The following SERINC2 variants were observed in gnomAD, a reference collection of about 807,000 sequenced individuals.
The protein encoded by SERINC2 is tumor differentially expressed protein 2.
A neutral mutation model predicts 54.2 loss-of-function variants in SERINC2; 56 were observed. The observed-to-expected ratio is 1.03, with a 90% CI of 0.83 to 1.29. The LOEUF is 1.29. Among genes scored for constraint, SERINC2 ranks in the 50% most tolerant of loss-of-function variants. The probability of loss-of-function intolerance (pLI) is 0.00; values close to 1 mark genes in which losing one functional copy is unlikely to be tolerated. For synonymous variants in SERINC2, 272 were observed against 253.1 expected (o/e 1.07, Z -0.71); for missense variants, 614 against 607.4 (o/e 1.01, Z -0.12).
At position 31,413,870 on chromosome 1, in the gene SERINC2, C is replaced by A; in HGVS notation, c.39+566C>A. 1.4e-6 allele frequency: 2 copies of A among 1,438,940 alleles called. No individual in the cohort carries two copies. The highest frequency in any genetic ancestry group is 1.8e-6 in the Non-Finnish European group (2 of 1,102,758). The allele number at this position is 1,438,940 out of a possible 1,614,324, so 89.1% of individuals were successfully genotyped here. Reference sequence around the variant, plus strand: ...TCGTCCGACTGTCTTTGTCCGTCTGCTGTCTTCTGTCCGTCTGCCCGTCCG... The same window carrying A: ...TCGTCCGACTGTCTTTGTCCGTCTGATGTCTTCTGTCCGTCTGCCCGTCCG... On this transcript the variant is annotated intron_variant, in intron 1 of 9. Transcript: ENST00000373709. This position sits in a 1 kb window ranked among gnomAD's most constrained non-coding sequence, Gnocchi z 5.0.
chr1:31,413,212 C>G (rs1175922708), upstream of SERINC2: 16 of 1,086,434 alleles, frequency 1.5e-5, no homozygotes, highest in African/African-American at 8.7e-5. The surrounding 1 kb of genome is among the most constrained non-coding windows in gnomAD (Gnocchi z 5.0). Flanking sequence ...ACCCGGATCC[C>G]GAGGTCCGCG....
chr1:31,414,699 T>G, intron 1 of SERINC2: 1 of 985,442 alleles, frequency 1.0e-6, no homozygotes, highest in Non-Finnish European at 1.2e-6. Flanking sequence ...TTGGGCCAGG[T>G]CTCTGCCAAC....
At chr1:31,429,273 G>T in intron 7 of SERINC2, 124 bp from the exon 8 acceptor site, 1 of 1,261,234 alleles carries the variant, frequency 7.9e-7, no homozygotes, top group South Asian at 1.4e-5. Context: ...CTGTTGCTGG[G>T]ACTTGAGTGG....
At chr1:31,431,796 T>G (rs370106518) in intron 8 of SERINC2, among the ~76,000 whole-genome samples, 128 of 10,918 alleles carry the variant, frequency 0.012, 2 homozygotes, top group South Asian at 0.084. Context: ...ATAGGGTGGA[T>G]AGGGTGGACA....
intron 4 of SERINC2, 114 bp from the exon 5 acceptor site, chr1:31,425,662 C>T: frequency 7.5e-7 from 1 of 1,326,696 alleles, no homozygotes; most frequent in Non-Finnish European, 1.0e-6. Flanking sequence ...TCCCTGAGGG[C>T]AGGGACTCTG....
Position 31,413,237 on chromosome 1 carries a change from C to A in SERINC2, c.-29C>A. ...CGAGGTCCGCGCCCCGCGCCCGGCG[C>A]CGGGCGCCCGAAGCCGGGAGCCGCC... is the stretch of plus-strand genomic sequence containing the variant. On this transcript the variant is annotated 5_prime_UTR_variant, in exon 1 of 10. Transcript: ENST00000373709. This position sits in a 1 kb window ranked among gnomAD's most constrained non-coding sequence, Gnocchi z 5.0. 1 of 1,153,332 alleles carries A rather than the reference C, an allele frequency of 8.7e-7. No individual in the cohort carries two copies. Among genetic ancestry groups the A allele is most frequent in the South Asian group, 3.8e-5 (1 of 26,242 alleles). The allele number at this position is 1,153,332 out of a possible 1,614,324, so 71.4% of individuals were successfully genotyped here.
At chr1:31,415,312 C>A (rs769309873) in intron 1 of SERINC2, among the ~76,000 whole-genome samples, 64 of 152,320 alleles carry the variant, frequency 4.2e-4, no homozygotes, top group Non-Finnish European at 7.3e-4. Flanking sequence ...CCCGGCCCTC[C>A]CTTCAGTGCC....
intron 1 of SERINC2, among the ~76,000 whole-genome samples, chr1:31,421,986 T>C (rs1640911916): frequency 2.0e-5 from 3 of 152,182 alleles, no homozygotes; most frequent in Non-Finnish European, 4.4e-5. Flanking sequence ...TCTCAGCTTA[T>C]TATTTTATTT....
chr1:31,432,773 G>T (rs1447860137), intron 8 of SERINC2, among the ~76,000 whole-genome samples, 194 bp from the exon 9 acceptor site: 1 of 152,148 alleles, frequency 6.6e-6, no homozygotes, highest in Non-Finnish European at 1.5e-5. Flanking sequence ...GGCTCAGAGA[G>T]GTTAAGTGTT....
At chr1:31,432,050 GGGTGGAC>G (rs1641269478) in intron 8 of SERINC2, among the ~76,000 whole-genome samples, 1 of 133,288 alleles carries the variant, frequency 7.5e-6, no homozygotes, top group Non-Finnish European at 1.6e-5. Flanking sequence ...AGGGTGGACA[GGGTGGAC>G]AGGGTGGACA....
intron 1 of SERINC2, among the ~76,000 whole-genome samples, chr1:31,422,898 G>A (rs1640936638): frequency 1.3e-5 from 2 of 152,200 alleles, no homozygotes; most frequent in Admixed American, 6.5e-5. Context: ...CCTGGAGAGG[G>A]AAAGGGTTAG....
At chr1:31,410,962 C>T (rs58410028), upstream of SERINC2, among the ~76,000 whole-genome samples, 882 of 152,272 alleles carry the variant, frequency 5.8e-3, 62 homozygotes, top group East Asian at 0.14. Context: ...AAAGGATTTC[C>T]GTGCAGAAGA....
intron 1 of SERINC2, among the ~76,000 whole-genome samples, chr1:31,419,087 G>T (rs1640845993): frequency 6.6e-6 from 1 of 152,232 alleles, no homozygotes; most frequent in African/African-American, 2.4e-5. Context: ...GTGTTCTGGG[G>T]CTTTTCTGTT....
chr1:31,432,057 C>CAGGGTGGTG (rs1641271027), intron 8 of SERINC2, among the ~76,000 whole-genome samples: 1 of 16,354 alleles, frequency 6.1e-5, no homozygotes, highest in Non-Finnish European at 1.2e-4. Context: ...ACAGGGTGGA[C>CAGGGTGGTG]AGGGTGGACA....
intron 1 of SERINC2, chr1:31,414,252 C>T (rs1488913599): frequency 7.5e-6 from 10 of 1,339,084 alleles, no homozygotes; most frequent in Non-Finnish European, 9.5e-6. Context: ...GGCCCGTTCT[C>T]CCTTCCCTTT....
intron 8 of SERINC2, among the ~76,000 whole-genome samples, chr1:31,432,127 G>C (rs1284220008): frequency 1.3e-4 from 18 of 133,778 alleles, no homozygotes; most frequent in South Asian, 5.1e-4. Context: ...GGTTAGGGTG[G>C]ATAGGGTGGA....
At chr1:31,433,318 C>T (rs1553135152) in intron 9 of SERINC2, 133 bp downstream of exon 9, 2 of 707,870 alleles carry the variant, frequency 2.8e-6, no homozygotes, top group Non-Finnish European at 4.8e-6. Flanking sequence ...ATCAAGGACC[C>T]TCCATAGAGC....
Position 31,429,391 on chromosome 1 carries a change from C to T in SERINC2, c.872-6C>T. ...GGGCTGAGGGTGATTGTGCTCCCAT[C>T]TCCAGAACAGAAATGCAACCCCCAT... On this transcript the variant is annotated splice_region_variant and splice_polypyrimidine_tract_variant and intron_variant, in intron 7 of 9. Transcript: ENST00000373709. 2.5e-6 allele frequency: 4 copies of T among 1,608,226 alleles called. No individual in the cohort carries two copies. Among genetic ancestry groups the T allele is most frequent in the Non-Finnish European group, 3.4e-6 (4 of 1,176,892 alleles).
At chr1:31,431,822 A>ACAGGGTGGT (rs1641228853) in intron 8 of SERINC2, among the ~76,000 whole-genome samples, 2 of 112,440 alleles carry the variant, frequency 1.8e-5, no homozygotes, top group Admixed American at 8.4e-5. Flanking sequence ...GACAGGGTGG[A>ACAGGGTGGT]TAGGGTGGAT....
Sources: gnomAD v4.1 joint callset for allele counts (sites outside exome capture counted in the v4.1 genomes callset) on GRCh38, gnomAD v4.1.1 for gene constraint, Gnocchi (gnomAD v3.1) non-coding constraint, MANE v1.5 for transcripts, NCBI Gene and HGNC (gene_info 2026-07-23, HGNC 2026-07-21) for gene names.